ACSS3: variants seen among roughly 807,000 people sequenced by gnomAD.
The protein encoded by ACSS3 is acyl-CoA synthetase short chain family member 3.
A neutral mutation model predicts 84.2 loss-of-function variants in ACSS3; 64 were observed. That is an observed-to-expected ratio of 0.76 (90% CI 0.62 to 0.94). The LOEUF is 0.94. Among genes scored for constraint, ACSS3 ranks in the 40% least tolerant of loss-of-function variants. The probability of loss-of-function intolerance (pLI) is 0.00; values close to 1 mark genes in which losing one functional copy is unlikely to be tolerated. For missense variants in ACSS3, 815 were observed against 867.6 expected, an observed-to-expected ratio of 0.94 and a Z score of 0.76; for synonymous variants, 317 against 310.1, an observed-to-expected ratio of 1.02 and a Z score of -0.23.
In ACSS3 at chr12:81,078,345, G is replaced by A. The variant is rs753268680; in HGVS notation, c.225G>A (p.Arg75=). The change falls in exon 1 of 16, where the codon AGG becomes AGA. Residue 75 remains arginine, a synonymous_variant. Transcript: ENST00000548058. ...CAGCCTCGGTGACCGACCCCGAGAGGTTCTGGGGCAAAGCTGCCGAGCAGA... is the reference window on the plus strand; with the variant it reads ...CAGCCTCGGTGACCGACCCCGAGAGATTCTGGGGCAAAGCTGCCGAGCAGA... ...HFAASVTDPE[R]FWGKAAEQIS... is the part of the protein sequence containing the mutation. 6.2e-7 allele frequency: 1 copy of A among 1,612,546 alleles called. No homozygotes were observed. Among genetic ancestry groups the A allele is most frequent in the African/African-American group, 1.3e-5 (1 of 74,888 alleles).
In ACSS3 at chr12:81,159,937, C is replaced by G. The variant is rs185855176; in HGVS notation, c.1098+7841C>G. On this transcript the variant is annotated intron_variant, in intron 7 of 15. Coordinates refer to ENST00000548058, the MANE Select transcript of ACSS3 (RefSeq NM_024560.4). ...GGCAAATAAATCTTTCCGTGTCCTG[C>G]CTTTCTCCTTATCTTTGCTGTCTAC... Among the ~76,000 whole-genome samples, 600 of 152,302 alleles carry G rather than the reference C, an allele frequency of 3.9e-3. 5 individuals carry two copies. Among genetic ancestry groups the G allele is most frequent in the African/African-American group, 0.014 (569 of 41,566 alleles).
At position 81,143,122 on chromosome 12, in the gene ACSS3, G is replaced by T. The variant is rs369616993; in HGVS notation, c.796G>T (p.Ala266Ser). 1 of 1,612,336 alleles carries T rather than the reference G, an allele frequency of 6.2e-7. No individual in the cohort carries two copies. The highest frequency in any genetic ancestry group is 8.5e-7 in the Non-Finnish European group (1 of 1,178,950). ...TGCTGTGTAGGAGGCGGTTCCTTTG[G>T]CTCCCGGTCGTGACCTTGATTGGGA... is the stretch of plus-strand genomic sequence containing the variant. The part of the protein sequence containing the change: ...NRPNMEAVPL[A>S]PGRDLDWDEE... The change falls in exon 5 of 16, where the codon GCT becomes TCT. Residue 266 changes from alanine to serine, a missense_variant. Coordinates refer to ENST00000548058, the MANE Select transcript of ACSS3 (RefSeq NM_024560.4).
At chr12:81,116,022 T>C (rs1565984106) in intron 2 of ACSS3, among the ~76,000 whole-genome samples, 1 of 152,116 alleles carries the variant, frequency 6.6e-6, no homozygotes, top group African/African-American at 2.4e-5. Flanking sequence ...TCTAGTCACA[T>C]TTAAGTGGTC....
chr12:81,120,838 A>G (rs1455517075), intron 2 of ACSS3, among the ~76,000 whole-genome samples: 1 of 152,234 alleles, frequency 6.6e-6, no homozygotes, highest in African/African-American at 2.4e-5. Flanking sequence ...ACCTTGACTT[A>G]AAAGCATTTC....
chr12:81,094,184 CTGTGTGTGTG>C (rs34746505), intron 1 of ACSS3, among the ~76,000 whole-genome samples: 3 of 146,668 alleles, frequency 2.0e-5, no homozygotes, highest in South Asian at 2.2e-4. Flanking sequence ...GTCTCTCTCT[CTGTGTGTGTG>C]TGTGTGTGTG....
chr12:81,186,241 G>A (rs2031246930), intron 8 of ACSS3, among the ~76,000 whole-genome samples: 1 of 151,714 alleles, frequency 6.6e-6, no homozygotes, highest in Admixed American at 6.6e-5. Flanking sequence ...TATAAGACCA[G>A]AAATAATAAA....
At chr12:81,152,795 A>G (rs1488753345) in intron 7 of ACSS3, among the ~76,000 whole-genome samples, 1 of 152,148 alleles carries the variant, frequency 6.6e-6, no homozygotes, top group Non-Finnish European at 1.5e-5. Flanking sequence ...GACTTTTGGG[A>G]CAAATTTAAC....
At chr12:81,122,210 CA>C in intron 2 of ACSS3, among the ~76,000 whole-genome samples, 1 of 152,088 alleles carries the variant, frequency 6.6e-6, no homozygotes, top group Admixed American at 6.6e-5. Flanking sequence ...GGATTACAGG[CA>C]GGCATGAGCC....
chr12:81,159,247 A>T (rs1260849696), intron 7 of ACSS3, among the ~76,000 whole-genome samples: 4 of 152,116 alleles, frequency 2.6e-5, no homozygotes, highest in Non-Finnish European at 4.4e-5. Context: ...AATTTATAGC[A>T]CTAAATAGAT....
intron 7 of ACSS3, among the ~76,000 whole-genome samples, chr12:81,166,636 G>C (rs968077236): frequency 2.0e-4 from 30 of 152,226 alleles, no homozygotes; most frequent in African/African-American, 7.0e-4. Context: ...AGAAAAGACT[G>C]ATAAGACAAC....
chr12:81,148,087 G>A (rs1886429910), intron 5 of ACSS3, among the ~76,000 whole-genome samples: 1 of 151,636 alleles, frequency 6.6e-6, no homozygotes, highest in African/African-American at 2.4e-5. Flanking sequence ...GAAATAGGAA[G>A]TTTTGTCATG....
At position 81,260,770 on chromosome 12, in the gene ACSS3, G is replaced by C. The variant is rs2035189799; in HGVS notation, c.*5848G>C. On this transcript the variant is annotated 3_prime_UTR_variant, in exon 16 of 16. Coordinates refer to ENST00000548058, the MANE Select transcript of ACSS3 (RefSeq NM_024560.4). ...ACAGCACAAGGTGAGTTGTTCCTCT[G>C]TCTATAACTGTTTTCTCTTAACCCT... The C allele has an allele frequency of 6.6e-6, 1 of 152,122 alleles. No homozygotes were observed. Among genetic ancestry groups the C allele is most frequent in the Non-Finnish European group, 1.5e-5 (1 of 68,022 alleles). 9.4% of individuals were successfully genotyped at this position (152,122 alleles called of 1,614,324 possible).
intron 13 of ACSS3, among the ~76,000 whole-genome samples, chr12:81,245,435 C>A (rs1397228591): frequency 6.6e-6 from 1 of 152,182 alleles, no homozygotes; most frequent in Non-Finnish European, 1.5e-5. Context: ...GCACTGCAGC[C>A]TGGGTGACAG....
chr12:81,157,992 G>A (rs986382134), intron 7 of ACSS3, among the ~76,000 whole-genome samples: 1 of 150,514 alleles, frequency 6.6e-6, no homozygotes, highest in Admixed American at 6.6e-5. Context: ...TAATAAGTGA[G>A]TTCAACCCAG....
intron 8 of ACSS3, among the ~76,000 whole-genome samples, chr12:81,187,113 T>C (rs534727345): frequency 4.0e-5 from 6 of 151,278 alleles, no homozygotes; most frequent in African/African-American, 1.5e-4. Flanking sequence ...CAGAAAAATA[T>C]TACATCATCT....
intron 8 of ACSS3, among the ~76,000 whole-genome samples, chr12:81,195,199 G>A (rs957896598): frequency 6.6e-6 from 1 of 151,990 alleles, no homozygotes; most frequent in Non-Finnish European, 1.5e-5. Context: ...TTATCTAAAT[G>A]TATGATGTCT....
chr12:81,091,192 T>A (rs1881647847), intron 1 of ACSS3, among the ~76,000 whole-genome samples: 1 of 152,038 alleles, frequency 6.6e-6, no homozygotes, highest in Non-Finnish European at 1.5e-5. Flanking sequence ...TAGGCACATA[T>A]GAGATTCCAA....
intron 9 of ACSS3, chr12:81,199,776 C>A: frequency 1.0e-6 from 1 of 961,086 alleles, no homozygotes; most frequent in Non-Finnish European, 1.4e-6. Context: ...CTTCAGTATT[C>A]CCCTTGCCTT....
chr12:81,222,518 A>G (rs1468001939), intron 11 of ACSS3, among the ~76,000 whole-genome samples: 1 of 152,140 alleles, frequency 6.6e-6, no homozygotes, highest in East Asian at 1.9e-4. Context: ...ACATATTCCA[A>G]TGGCTGCCTG....
Sources: gnomAD v4.1 joint callset for allele counts (sites outside exome capture counted in the v4.1 genomes callset) on GRCh38, gnomAD v4.1.1 for gene constraint, MANE v1.5 for transcripts, NCBI Gene and HGNC (gene_info 2026-07-23, HGNC 2026-07-21) for gene names.